COL4A3: variants seen among roughly 807,000 people sequenced by gnomAD.
COL4A3 encodes the protein collagen type IV alpha 3 chain.
A neutral mutation model predicts 217.4 loss-of-function variants in COL4A3; 135 were observed. The observed-to-expected ratio is 0.62, with a 90% CI of 0.54 to 0.72. COL4A3 has a LOEUF of 0.72. Among genes scored for constraint, COL4A3 ranks in the 30% least tolerant of loss-of-function variants. The pLI is 0.00. For synonymous variants in COL4A3, 690 were observed against 736.3 expected (o/e 0.94, Z 1.02); for missense variants, 1,868 against 2,119.9 (o/e 0.88, Z 2.33).
Position 227,277,566 on chromosome 2 carries a change from T to C in COL4A3, c.2125+13T>C, listed in dbSNP as rs777353565. On this transcript the variant is annotated intron_variant, in intron 28 of 51. Coordinates refer to ENST00000396578, the MANE Select transcript of COL4A3 (RefSeq NM_000091.5). ...CCTGGACCTAAGGGTAAATTTAAAA[T>C]TTTTTCAAACATAAAGTTTGTTGTG... 199 of 1,547,136 alleles carry C rather than the reference T, an allele frequency of 1.3e-4. No individual in the cohort carries two copies. The highest frequency in any genetic ancestry group is 1.7e-4 in the Non-Finnish European group (186 of 1,127,208).
chr2:227,183,262 A>G (rs1347001957), intron 1 of COL4A3, among the ~76,000 whole-genome samples: 2 of 152,242 alleles, frequency 1.3e-5, no homozygotes, highest in Non-Finnish European at 2.9e-5. Flanking sequence ...ACCATGTCCC[A>G]TAAGAGATGA....
chr2:227,262,307 C>A (rs996022497), intron 20 of COL4A3, among the ~76,000 whole-genome samples: 4 of 151,870 alleles, frequency 2.6e-5, no homozygotes, highest in African/African-American at 9.7e-5. Context: ...GTAAAAAAAA[C>A]AAAACAAACA....
intron 1 of COL4A3, among the ~76,000 whole-genome samples, chr2:227,220,243 T>C (rs13428924): frequency 0.25 from 34,458 of 138,198 alleles, 5,055 homozygotes; most frequent in East Asian, 0.58. Flanking sequence ...AGTGCAGTGG[T>C]GCAATCTCAG....
At chr2:227,188,066 CA>C (rs764365125) in intron 1 of COL4A3, among the ~76,000 whole-genome samples, 1,582 of 152,260 alleles carry the variant, frequency 0.01, 46 homozygotes, top group Admixed American at 0.062. Context: ...AGAAGAACAA[CA>C]TCCCCGAACT....
intron 1 of COL4A3, among the ~76,000 whole-genome samples, chr2:227,220,560 A>G (rs558230290): frequency 7.2e-5 from 11 of 152,194 alleles, no homozygotes; most frequent in Non-Finnish European, 1.5e-4. Context: ...CCTGGGCTTC[A>G]GCAATCCTCC....
At chr2:227,192,766 A>C (rs2066294562) in intron 1 of COL4A3, among the ~76,000 whole-genome samples, 1 of 152,198 alleles carries the variant, frequency 6.6e-6, no homozygotes, top group African/African-American at 2.4e-5. Context: ...ATGAATGAAC[A>C]ATCCTTGACG....
At chr2:227,188,206 A>G (rs2066102713) in intron 1 of COL4A3, among the ~76,000 whole-genome samples, 1 of 151,988 alleles carries the variant, frequency 6.6e-6, no homozygotes, top group Non-Finnish European at 1.5e-5. Context: ...CTTCTTCACT[A>G]CATTGTTAAA....
At chr2:227,243,227 C>T (rs997322501) in intron 3 of COL4A3, among the ~76,000 whole-genome samples, 3 of 152,076 alleles carry the variant, frequency 2.0e-5, no homozygotes, top group Non-Finnish European at 4.4e-5. Flanking sequence ...ATCCAGAAAA[C>T]CTGAGTACCA....
chr2:227,275,818 GCCA>G (rs2071522760), intron 26 of COL4A3, among the ~76,000 whole-genome samples: 1 of 152,008 alleles, frequency 6.6e-6, no homozygotes, highest in Admixed American at 6.6e-5. Flanking sequence ...GTGGAAACTA[GCCA>G]CCCAATAAAT....
chr2:227,293,666 T>C, intron 38 of COL4A3: 1 of 482,190 alleles, frequency 2.1e-6, no homozygotes, highest in Non-Finnish European at 4.2e-6. Context: ...CTAGGTGGCT[T>C]AAACTACACT....
rs1430918091 is a variant in COL4A3 at position 227,303,869 on chromosome 2, T to C, written c.3966T>C (p.Gly1322=). The change falls in exon 45 of 52, where the codon GGT becomes GGC. Residue 1322 remains glycine (G), a synonymous_variant. Transcript: ENST00000396578. The stretch of plus-strand genomic sequence containing the variant: ...TTTGTTTGTTTTTAGGAGAAAAGGG[T>C]AATCCTGGATTTCTAGGATCCATTG... The part of the protein sequence containing the change: ...QGFPGVKGEK[G]NPGFLGSIGP... 6.2e-7 allele frequency: 1 copy of C among 1,614,082 alleles called. No individual in the cohort carries two copies. The highest frequency in any genetic ancestry group is 2.2e-5 in the East Asian group (1 of 44,882).
At position 227,254,128 on chromosome 2, in the gene COL4A3, A is replaced by G. The variant is rs769837137; in HGVS notation, c.782A>G (p.Lys261Arg). Residue 261 changes from lysine (K) to arginine (R), a missense_variant, in exon 14 of 52, where the codon AAG becomes AGG. Transcript: ENST00000396578. Reference protein sequence around the residue: ...PDNRTDLKGEKGDKGAMGEPG... With the variant: ...PDNRTDLKGERGDKGAMGEPG... ...CTTTGGCAGGACCTCAAGGGGGAAA[A>G]GGGAGACAAGGGAGCAATGGGCGAG... 5 of 1,613,670 alleles carry G rather than the reference A, an allele frequency of 3.1e-6. No individual in the cohort carries two copies. The East Asian group carries it at 8.9e-5, about 29-fold the overall frequency.
chr2:227,312,020 A>G lies in COL4A3; in HGVS notation c.*150A>G. ...TTTCAATTTGTTTCCCCACAAAACA[A>G]AGCAATTCTTTCAAGTCAGTTCTGT... is the stretch of plus-strand genomic sequence containing the variant. On this transcript the variant is annotated 3_prime_UTR_variant, in exon 52 of 52. Coordinates refer to ENST00000396578, the MANE Select transcript of COL4A3 (RefSeq NM_000091.5). 5 of 1,403,092 alleles carry G rather than the reference A, an allele frequency of 3.6e-6. No homozygotes were observed. Among genetic ancestry groups the G allele is most frequent in the Non-Finnish European group, 4.9e-6 (5 of 1,025,844 alleles). 86.9% of individuals were successfully genotyped at this position (1,403,092 alleles called of 1,614,324 possible).
At chr2:227,245,798 T>A in intron 5 of COL4A3, 156 bp from the exon 6 acceptor site, 1 of 705,712 alleles carries the variant, frequency 1.4e-6, no homozygotes, top group Admixed American at 2.0e-5. Flanking sequence ...TTGTTGCTAC[T>A]GAAATTATAT....
intron 21 of COL4A3, chr2:227,265,301 T>A (rs1225484690): frequency 6.6e-6 from 1 of 152,250 alleles, no homozygotes; most frequent in Non-Finnish European, 1.5e-5. Context: ...ATTTTAAAGA[T>A]GCAGAAAACT....
At chr2:227,263,084 G>A (rs554905440) in intron 20 of COL4A3, among the ~76,000 whole-genome samples, 15 of 149,672 alleles carry the variant, frequency 1.0e-4, no homozygotes, top group African/African-American at 3.1e-4. Flanking sequence ...ATATGCCAAA[G>A]TAAAATATGA....
At chr2:227,197,197 T>C (rs1349527710) in intron 1 of COL4A3, among the ~76,000 whole-genome samples, 1 of 151,824 alleles carries the variant, frequency 6.6e-6, no homozygotes, top group East Asian at 1.9e-4. Context: ...TTGGGTACGG[T>C]TTTTTTGTTT....
intron 25 of COL4A3, among the ~76,000 whole-genome samples, chr2:227,271,542 A>G (rs1424838222): frequency 7.2e-6 from 1 of 138,884 alleles, no homozygotes; most frequent in Non-Finnish European, 1.5e-5. Context: ...GTGCAATCTC[A>G]GCTCACTGCA....
chr2:227,263,962 G>A lies in COL4A3; in HGVS notation c.1315+18G>A, dbSNP rs188154694. 2.8e-5 allele frequency: 45 copies of A among 1,614,118 alleles called. No individual in the cohort carries two copies. In the East Asian group the frequency reaches 8.7e-4, roughly 31 times the overall value. Reference sequence around the variant, plus strand: ...ACCGCCAGGTAAAGATGTGGAAGGGGACCCCTTTTGTGCACAGTGCCAAAT... The same window carrying A: ...ACCGCCAGGTAAAGATGTGGAAGGGAACCCCTTTTGTGCACAGTGCCAAAT... On this transcript the variant is annotated intron_variant, in intron 21 of 51. Transcript: ENST00000396578.
Sources: gnomAD v4.1 joint callset for allele counts (sites outside exome capture counted in the v4.1 genomes callset) on GRCh38, gnomAD v4.1.1 for gene constraint, MANE v1.5 for transcripts, NCBI Gene and HGNC (gene_info 2026-07-23, HGNC 2026-07-21) for gene names.